Variants in FHOD3 observed in about 807,000 individuals in gnomAD.
The protein encoded by FHOD3 is formin homology 2 domain containing 3.
Under a neutral mutation model 173.0 loss-of-function variants are expected in FHOD3, and 90 were observed. The ratio of observed to expected loss-of-function variants is 0.52; its 90% CI spans 0.44 to 0.62. The LOEUF (loss-of-function observed/expected upper bound fraction) is 0.62, where lower values mean the gene tolerates loss of function less well. Among genes scored for constraint, FHOD3 ranks in the 20% least tolerant of loss-of-function variants. FHOD3 has a pLI of 0.00. For missense variants in FHOD3, 1,945 were observed against 2,034.7 expected, an observed-to-expected ratio of 0.96 and a Z score of 0.85; for synonymous variants, 828 against 823.0, an observed-to-expected ratio of 1.01 and a Z score of -0.10.
intron 10 of FHOD3, among the ~76,000 whole-genome samples, chr18:36,646,908 A>C (rs960031829): frequency 2.0e-5 from 3 of 152,222 alleles, no homozygotes; most frequent in Non-Finnish European, 2.9e-5. Context: ...AGATGTTTAC[A>C]GAACATATAA....
At chr18:36,427,019 G>T (rs1283306042) in intron 3 of FHOD3, among the ~76,000 whole-genome samples, 1 of 152,140 alleles carries the variant, frequency 6.6e-6, no homozygotes, top group East Asian at 1.9e-4. Flanking sequence ...TTTAAATAAG[G>T]CACACATTGA....
chr18:36,742,632 T>C (rs1056455725), intron 21 of FHOD3, 105 bp from the exon 22 acceptor site: 1 of 1,274,642 alleles, frequency 7.8e-7, no homozygotes, highest in African/African-American at 1.5e-5. Flanking sequence ...GATTGCCTTG[T>C]GCTGGGGAGA....
At chr18:36,525,826 G>A (rs1356725205) in intron 5 of FHOD3, among the ~76,000 whole-genome samples, 1 of 152,190 alleles carries the variant, frequency 6.6e-6, no homozygotes, top group Non-Finnish European at 1.5e-5. Context: ...TGTTGACAAT[G>A]TCCAGGACCA....
chr18:36,539,273 G>C lies in FHOD3; in HGVS notation c.511+26730G>C, dbSNP rs904989364. On this transcript the variant is annotated intron_variant, in intron 5 of 28. Transcript: ENST00000590592. The stretch of plus-strand genomic sequence containing the variant: ...ATACTATATTCTATAGACTGAGTTG[G>C]CTGAAATCCAGGACATAATAAGTAG... 9.2e-5 allele frequency among the ~76,000 whole-genome samples: 14 copies of C among 152,276 alleles called. 1 individual carries two copies. The East Asian group carries it at 1.9e-3, about 21-fold the overall frequency.
rs78072408 is a variant in FHOD3 at position 36,387,752 on chromosome 18, G to T, written c.337+15008G>T. On this transcript the variant is annotated intron_variant, in intron 3 of 28. Coordinates refer to ENST00000590592, the MANE Select transcript of FHOD3 (RefSeq NM_001281740.3). ...CATCTCCCTGCTGCTCCTCCACCCC[G>T]CATTGGCAGGGCTTGGCCCACCCCT... Among the ~76,000 whole-genome samples the T allele has an allele frequency of 8.5e-3, 1,292 of 152,146 alleles. 16 individuals carry two copies. The highest frequency in any genetic ancestry group is 0.027 in the African/African-American group (1,139 of 41,486).
chr18:36,638,790 G>T (rs7228184), intron 10 of FHOD3, among the ~76,000 whole-genome samples: 18,659 of 152,166 alleles, frequency 0.12, 1,237 homozygotes, highest in Non-Finnish European at 0.14. Context: ...GTTGAGGCAT[G>T]CATTAGAGAC....
chr18:36,410,639 A>G (rs1042304049), intron 3 of FHOD3, among the ~76,000 whole-genome samples: 4 of 152,094 alleles, frequency 2.6e-5, no homozygotes, highest in South Asian at 4.1e-4. Context: ...GTTTTTCCAC[A>G]TTCTTACCAA....
At chr18:36,754,867 A>G (rs1368418786) in intron 24 of FHOD3, among the ~76,000 whole-genome samples, 3 of 151,762 alleles carry the variant, frequency 2.0e-5, no homozygotes, top group African/African-American at 7.2e-5. Flanking sequence ...ATCAGTGGGA[A>G]AGTGAGTTGA....
chr18:36,488,794 G>T (rs982696028), intron 3 of FHOD3, among the ~76,000 whole-genome samples: 1 of 152,194 alleles, frequency 6.6e-6, no homozygotes, highest in Non-Finnish European at 1.5e-5. Context: ...AGTCTGGATG[G>T]TGGTATTGTC....
At chr18:36,365,803 T>C (rs970408645) in intron 2 of FHOD3, among the ~76,000 whole-genome samples, 1 of 152,190 alleles carries the variant, frequency 6.6e-6, no homozygotes, top group East Asian at 1.9e-4. Context: ...GGACACTAGC[T>C]GAGCGGAAGT....
chr18:36,562,433 A>G (rs1173399258), intron 5 of FHOD3, among the ~76,000 whole-genome samples: 2 of 152,176 alleles, frequency 1.3e-5, no homozygotes, highest in Non-Finnish European at 2.9e-5. Context: ...AACATTATTT[A>G]CTATGTTGCA....
At chr18:36,673,708 G>T (rs1036970421) in intron 14 of FHOD3, among the ~76,000 whole-genome samples, 1 of 152,162 alleles carries the variant, frequency 6.6e-6, no homozygotes, top group Admixed American at 6.5e-5. Flanking sequence ...CATTCCTGAA[G>T]CTAACCCAAG....
At chr18:36,458,722 A>G (rs967341587) in intron 3 of FHOD3, among the ~76,000 whole-genome samples, 12 of 143,236 alleles carry the variant, frequency 8.4e-5, no homozygotes, top group African/African-American at 2.9e-4. Flanking sequence ...GTGAAATCTC[A>G]AAGTGGCTCT....
chr18:36,412,577 T>G (rs1471991099), intron 3 of FHOD3, among the ~76,000 whole-genome samples: 2 of 152,202 alleles, frequency 1.3e-5, no homozygotes, highest in African/African-American at 4.8e-5. Context: ...GTAAAAATGA[T>G]TCTGGAGAAG....
chr18:36,759,049 C>A, intron 25 of FHOD3, 69 bp from the exon 26 acceptor site: 1 of 1,495,292 alleles, frequency 6.7e-7, no homozygotes, highest in African/African-American at 1.4e-5. Context: ...GATCTTTTTG[C>A]TGACTTCTGT....
intron 3 of FHOD3, among the ~76,000 whole-genome samples, chr18:36,426,665 A>G (rs1451625211): frequency 1.3e-5 from 2 of 152,196 alleles, no homozygotes; most frequent in African/African-American, 4.8e-5. Flanking sequence ...GGAAGGAACT[A>G]ATGTTCATTC....
intron 1 of FHOD3, among the ~76,000 whole-genome samples, chr18:36,325,781 C>T (rs2044639797): frequency 6.6e-6 from 1 of 152,138 alleles, no homozygotes; most frequent in Admixed American, 6.6e-5. Context: ...GATTAAAAGA[C>T]AAAAGAACAT....
At chr18:36,760,572 T>G in intron 26 of FHOD3, 36 bp from the exon 27 acceptor site, 1 of 1,482,808 alleles carries the variant, frequency 6.7e-7, no homozygotes, top group Non-Finnish European at 9.0e-7. Context: ...TTTTGGGGAG[T>G]CTCCCTCACC....
intron 1 of FHOD3, among the ~76,000 whole-genome samples, chr18:36,333,651 A>C (rs2045141714): frequency 6.6e-6 from 1 of 152,148 alleles, no homozygotes; most frequent in African/African-American, 2.4e-5. Flanking sequence ...ACAGCTCTCA[A>C]AGTGTGGTTC....
Sources: gnomAD v4.1 joint callset for allele counts (sites outside exome capture counted in the v4.1 genomes callset) on GRCh38, gnomAD v4.1.1 for gene constraint, MANE v1.5 for transcripts, NCBI Gene and HGNC (gene_info 2026-07-23, HGNC 2026-07-21) for gene names.